Variants in OLAH observed in about 807,000 individuals in gnomAD.
OLAH encodes the protein S-acyl fatty acid synthase thioesterase, medium chain.
A neutral mutation model predicts 27.8 loss-of-function variants in OLAH; 33 were observed. The ratio of observed to expected loss-of-function variants is 1.19; its 90% CI spans 0.90 to 1.59. The LOEUF is 1.59. Ranked by LOEUF, OLAH falls within the 40% of genes most tolerant of loss-of-function variation. OLAH has a pLI of 0.00. For missense variants in OLAH, 359 were observed against 310.8 expected (o/e 1.16, Z -1.17); for synonymous variants, 120 against 102.9 (o/e 1.17, Z -1.01).
chr10:15,070,624 G>A (rs1428513431), intron 6 of OLAH, among the ~76,000 whole-genome samples: 3 of 151,664 alleles, frequency 2.0e-5, no homozygotes, highest in East Asian at 3.9e-4. Context: ...AGCTCATTAC[G>A]GGCATGCACC....
At chr10:15,039,525 C>T (rs1022609891), upstream of OLAH, among the ~76,000 whole-genome samples, 7 of 152,156 alleles carry the variant, frequency 4.6e-5, no homozygotes, top group Admixed American at 2.6e-4. Flanking sequence ...TGCAGTGAGC[C>T]GAGATTGTGC....
At chr10:15,038,369 G>C (rs1027494449) in intron 1 of OLAH, among the ~76,000 whole-genome samples, 2 of 152,184 alleles carry the variant, frequency 1.3e-5, no homozygotes, top group African/African-American at 4.8e-5. Context: ...GTTTTGAAAT[G>C]TGAGGACATA....
intron 3 of OLAH, among the ~76,000 whole-genome samples, chr10:15,056,247 A>G (rs1238353722): frequency 3.3e-5 from 5 of 152,236 alleles, no homozygotes; most frequent in East Asian, 3.9e-4. Context: ...ATTCTTTGCT[A>G]TTAGTATAAA....
chr10:15,049,527 C>T, intron 2 of OLAH, 108 bp from the exon 3 acceptor site: 1 of 759,874 alleles, frequency 1.3e-6, no homozygotes, highest in South Asian at 2.5e-5. Context: ...TATATATGAA[C>T]ATATGTTTCT....
intron 6 of OLAH, among the ~76,000 whole-genome samples, chr10:15,068,868 T>C (rs1343061918): frequency 1.3e-5 from 2 of 152,174 alleles, no homozygotes; most frequent in Non-Finnish European, 2.9e-5. Context: ...GTTGCTGTGA[T>C]GACCTTGAGT....
At chr10:15,034,488 TAAGGAACTCCGA>T (rs1843810462) in intron 1 of OLAH, among the ~76,000 whole-genome samples, 1 of 152,142 alleles carries the variant, frequency 6.6e-6, no homozygotes, top group South Asian at 2.1e-4. Context: ...GAAAGGATAC[TAAGGAACTCCGA>T]AAGGAAATAC....
upstream of OLAH, among the ~76,000 whole-genome samples, chr10:15,040,722 C>T (rs1843907265): frequency 6.6e-6 from 1 of 152,108 alleles, no homozygotes. Context: ...CTTGTTCATT[C>T]TTGCATGGTA....
intron 3 of OLAH, among the ~76,000 whole-genome samples, chr10:15,055,142 T>C (rs953096293): frequency 6.6e-6 from 1 of 152,154 alleles, no homozygotes; most frequent in African/African-American, 2.4e-5. Flanking sequence ...TTTTTATATT[T>C]TTTAGTAGAG....
At chr10:15,066,018 A>G (rs1844460763) in intron 6 of OLAH, among the ~76,000 whole-genome samples, 1 of 152,194 alleles carries the variant, frequency 6.6e-6, no homozygotes, top group African/African-American at 2.4e-5. Flanking sequence ...AGGCCAGTGG[A>G]TCATTTAAGG....
Position 15,049,767 on chromosome 10 carries a change from T to C in OLAH, c.163+2T>C. 2 of 1,601,450 alleles carry C rather than the reference T, an allele frequency of 1.2e-6. No individual in the cohort carries two copies. The highest frequency in any genetic ancestry group is 1.7e-6 in the Non-Finnish European group (2 of 1,176,924). ...AAGATACTCATGATTTGCTGGAAGG[T>C]ATGTTAATTTTTAACATCATTTAAG... On this transcript the variant is annotated splice_donor_variant, in intron 3 of 7. Coordinates refer to ENST00000378228, the MANE Select transcript of OLAH (RefSeq NM_001039702.3). LOFTEE classifies it high-confidence loss of function.
intron 3 of OLAH, among the ~76,000 whole-genome samples, chr10:15,052,447 T>A (rs1003757118): frequency 1.3e-5 from 2 of 152,280 alleles, no homozygotes; most frequent in African/African-American, 4.8e-5. Flanking sequence ...TTAAGAAAAT[T>A]TTTTTTGTAG....
At chr10:15,067,157 A>T (rs1416013630) in intron 6 of OLAH, among the ~76,000 whole-genome samples, 2 of 152,228 alleles carry the variant, frequency 1.3e-5, no homozygotes, top group African/African-American at 4.8e-5. Context: ...GTTATTTGCG[A>T]ATTTAAAACA....
rs111683993 is a variant in OLAH at position 15,069,010 on chromosome 10, A to G, written c.573-2785A>G. On this transcript the variant is annotated intron_variant, in intron 6 of 7. Transcript: ENST00000378228. ...GTTCAATGTTCCCTGTGACTCATAG[A>G]ACAGCCTCTCTTCCTCCTGTTGCCC... 5.7e-3 allele frequency among the ~76,000 whole-genome samples: 866 copies of G among 152,186 alleles called. 7 individuals are homozygous for G. The highest frequency in any genetic ancestry group is 7.1e-3 in the Non-Finnish European group (480 of 67,994).
intron 1 of OLAH, among the ~76,000 whole-genome samples, chr10:15,034,524 G>A (rs985331986): frequency 6.6e-6 from 1 of 152,208 alleles, no homozygotes; most frequent in Non-Finnish European, 1.5e-5. Context: ...GAAGAAGGAA[G>A]GATAAGGCCC....
chr10:15,069,153 C>T (rs1844529668), intron 6 of OLAH, among the ~76,000 whole-genome samples: 1 of 152,152 alleles, frequency 6.6e-6, no homozygotes, highest in African/African-American at 2.4e-5. Context: ...GTCCCCGTGC[C>T]TGGGTTCTGT....
chr10:15,067,424 T>C (rs947903616), intron 6 of OLAH, among the ~76,000 whole-genome samples: 1 of 152,162 alleles, frequency 6.6e-6, no homozygotes, highest in African/African-American at 2.4e-5. Context: ...ATTAACTGCT[T>C]GGTAGAGGGG....
chr10:15,051,850 T>G (rs1844150292), intron 3 of OLAH, among the ~76,000 whole-genome samples: 1 of 152,194 alleles, frequency 6.6e-6, no homozygotes. Flanking sequence ...AACGGCCCAA[T>G]AGTAAATATT....
chr10:15,048,638 T>G (rs1323264721), intron 2 of OLAH, among the ~76,000 whole-genome samples: 13 of 152,220 alleles, frequency 8.5e-5, no homozygotes. Flanking sequence ...ATACCAAGAT[T>G]GAAGCTGCCC....
intron 6 of OLAH, among the ~76,000 whole-genome samples, chr10:15,069,563 G>T (rs777495052): frequency 6.6e-6 from 1 of 152,112 alleles, no homozygotes; most frequent in Non-Finnish European, 1.5e-5. Context: ...CCTAGTGGAG[G>T]CCCATGGAAA....
Sources: gnomAD v4.1 joint callset for allele counts (sites outside exome capture counted in the v4.1 genomes callset) on GRCh38, gnomAD v4.1.1 for gene constraint, MANE v1.5 for transcripts, NCBI Gene and HGNC (gene_info 2026-07-23, HGNC 2026-07-21) for gene names.